Variants in CEP19 observed in about 807,000 individuals in gnomAD.
CEP19 encodes the protein centrosomal protein 19, also known as centrosomal protein of 19 kDa.
CEP19 carries 14 observed loss-of-function variants against 17.5 expected under a neutral mutation model. That is an observed-to-expected ratio of 0.80 (90% CI 0.53 to 1.25). The LOEUF (loss-of-function observed/expected upper bound fraction) is 1.25. CEP19 is among the 50% of genes most tolerant of loss of function. The pLI is 0.00. For missense variants in CEP19, 193 were observed against 192.0 expected, an observed-to-expected ratio of 1.01 and a Z score of -0.03; for synonymous variants, 59 against 65.5, an observed-to-expected ratio of 0.90 and a Z score of 0.48.
rs952451688 is a variant in CEP19 at position 196,707,383 on chromosome 3, C to T, written c.*168G>A. On this transcript the variant is annotated 3_prime_UTR_variant, in exon 3 of 3. Coordinates refer to ENST00000409690, the MANE Select transcript of CEP19 (RefSeq NM_032898.5). ...CCTTTATTCTGTTTTTCCCATACTC[C>T]TCATGCACCTACATAGTAGATGCTT... 6.3e-5 allele frequency: 44 copies of T among 700,516 alleles called. No individual in the cohort carries two copies. The highest frequency in any genetic ancestry group is 4.1e-4 in the African/African-American group (23 of 55,984). The allele number at this position is 700,516 out of a possible 1,614,324, so 43.4% of individuals were successfully genotyped here.
intron 1 of CEP19, 74 bp downstream of exon 1, chr3:196,711,855 G>A (rs1711806373): frequency 2.8e-6 from 2 of 716,396 alleles, no homozygotes. Context: ...GCACCTAAGG[G>A]TACGAATGTC....
intron 1 of CEP19, 183 bp from the exon 2 acceptor site, chr3:196,708,910 TG>T: frequency 2.1e-6 from 1 of 469,262 alleles, no homozygotes. Context: ...GCAGGGGCCA[TG>T]CTGATCCTCT....
intron 2 of CEP19, 100 bp downstream of exon 2, chr3:196,708,428 A>T: frequency 9.4e-7 from 1 of 1,064,564 alleles, no homozygotes; most frequent in Non-Finnish European, 1.4e-6. Flanking sequence ...GAGAGTAAGT[A>T]ATTCATCCAG....
In CEP19 at chr3:196,712,106, A is replaced by C. The variant is rs1329911905; in HGVS notation, c.-248T>G. On this transcript the variant is annotated 5_prime_UTR_variant, in exon 1 of 3. Transcript: ENST00000409690. ...GCCCTACTGACGAGCCCGAGGGGTGAACTCCCCGGCGGGAGGCCCGAACCC... is the reference window on the plus strand; with the variant it reads ...GCCCTACTGACGAGCCCGAGGGGTGCACTCCCCGGCGGGAGGCCCGAACCC... 3.2e-6 allele frequency: 2 copies of C among 633,554 alleles called. No individual in the cohort carries two copies. The highest frequency in any genetic ancestry group is 3.6e-5 in the African/African-American group (2 of 54,882). 39.2% of individuals were successfully genotyped at this position (633,554 alleles called of 1,614,324 possible).
chr3:196,707,839 C>T lies in CEP19; in HGVS notation c.204G>A (p.Arg68=), dbSNP rs1711583579. The T allele has an allele frequency of 1.9e-6, 3 of 1,614,072 alleles. No individual in the cohort carries two copies. The highest frequency in any genetic ancestry group is 3.3e-4 in the Middle Eastern group (2 of 6,058). Residue 68 remains arginine (R), a synonymous_variant, in exon 3 of 3, where the codon AGG becomes AGA. Coordinates refer to ENST00000409690, the MANE Select transcript of CEP19 (RefSeq NM_032898.5). Reference sequence around the variant, plus strand: ...AAAAACTGAATAGCTTCTCTAGCTGCCTCAGGGATACTTGTTCTAGGTAAC... The same window carrying T: ...AAAAACTGAATAGCTTCTCTAGCTGTCTCAGGGATACTTGTTCTAGGTAAC... ...HKSYLEQVSL[R]QLEKLFSFLR...
In CEP19 at chr3:196,708,705, G is replaced by GT. The variant is rs1342655249; in HGVS notation, c.-49dup. 1 of 1,592,864 alleles carries GT rather than the reference G, an allele frequency of 6.3e-7. No homozygotes were observed. Among genetic ancestry groups the GT allele is most frequent in the Non-Finnish European group, 8.6e-7 (1 of 1,165,210 alleles). ...GTCAGAGGAAATCTGATGAATATGT[G>GT]TAAGTTGCATAATGACTTCCTGCTA... is the stretch of plus-strand genomic sequence containing the variant. On this transcript the variant is annotated 5_prime_UTR_variant, in exon 2 of 3. An upstream open reading frame in the 5' UTR gains an earlier in-frame stop. Coordinates refer to ENST00000409690, the MANE Select transcript of CEP19 (RefSeq NM_032898.5).
chr3:196,709,178 G>T (rs1215934259), intron 1 of CEP19, among the ~76,000 whole-genome samples: 1 of 152,000 alleles, frequency 6.6e-6, no homozygotes, highest in East Asian at 1.9e-4. Context: ...TGACCTATAG[G>T]GTCTTTACTA....
In CEP19 at chr3:196,712,052, T is replaced by C. The variant is rs907467384; in HGVS notation, c.-194A>G. ...GCCGACTGTGAGACCGGGCGGAGCC[T>C]GGCGCTGCAGGAAGAGGCGACAGCC... On this transcript the variant is annotated 5_prime_UTR_variant, in exon 1 of 3. Coordinates refer to ENST00000409690, the MANE Select transcript of CEP19 (RefSeq NM_032898.5). The C allele has an allele frequency of 5.8e-5, 41 of 710,886 alleles. No homozygotes were observed. The highest frequency in any genetic ancestry group is 5.2e-4 in the Middle Eastern group (2 of 3,810). 44.0% of individuals were successfully genotyped at this position (710,886 alleles called of 1,614,324 possible).
At chr3:196,708,969 C>A in intron 1 of CEP19, 1 of 247,604 alleles carries the variant, frequency 4.0e-6, no homozygotes, top group Non-Finnish European at 7.7e-6. Flanking sequence ...GACCACAAAG[C>A]TCAGTTATTT....
At position 196,707,843 on chromosome 3, in the gene CEP19, A is replaced by G. The variant is rs1028022292; in HGVS notation, c.200T>C (p.Leu67Pro). Reference sequence around the variant, plus strand: ...ACTGAATAGCTTCTCTAGCTGCCTCAGGGATACTTGTTCTAGGTAACTCTT... The same window carrying G: ...ACTGAATAGCTTCTCTAGCTGCCTCGGGGATACTTGTTCTAGGTAACTCTT... ...RHKSYLEQVSLRQLEKLFSFL... is the reference protein window; with the variant it reads ...RHKSYLEQVSPRQLEKLFSFL... Residue 67 changes from leucine (L) to proline (P), a missense_variant, in exon 3 of 3, where the codon CTG (leucine) becomes CCG (proline). Physicochemically the swap from Leu to Pro is moderately conservative, Grantham distance 98. Coordinates refer to ENST00000409690, the MANE Select transcript of CEP19 (RefSeq NM_032898.5). 1 of 1,614,094 alleles carries G rather than the reference A, an allele frequency of 6.2e-7. No individual in the cohort carries two copies. The highest frequency in any genetic ancestry group is 1.1e-5 in the South Asian group (1 of 91,082).
chr3:196,707,455 C>G lies in CEP19; in HGVS notation c.*96G>C. On this transcript the variant is annotated 3_prime_UTR_variant, in exon 3 of 3. Coordinates refer to ENST00000409690, the MANE Select transcript of CEP19 (RefSeq NM_032898.5). ...GTAACATGGTCAATCCCCTATAACCCAACATATTTAGTATTCTTTACAGCT... is the reference window on the plus strand; with the variant it reads ...GTAACATGGTCAATCCCCTATAACCGAACATATTTAGTATTCTTTACAGCT... 7.4e-7 allele frequency: 1 copy of G among 1,354,142 alleles called. No individual in the cohort carries two copies. Among genetic ancestry groups the G allele is most frequent in the Non-Finnish European group, 1.0e-6 (1 of 997,312 alleles). The allele number at this position is 1,354,142 out of a possible 1,614,324, so 83.9% of individuals were successfully genotyped here.
chr3:196,709,152 A>C (rs760307022), intron 1 of CEP19, among the ~76,000 whole-genome samples: 2 of 152,230 alleles, frequency 1.3e-5, no homozygotes, highest in Non-Finnish European at 2.9e-5. Flanking sequence ...ATGAACCCCT[A>C]AGTCAGCCCA....
chr3:196,711,574 A>T (rs548182538), intron 1 of CEP19, among the ~76,000 whole-genome samples: 2 of 152,208 alleles, frequency 1.3e-5, no homozygotes, highest in Admixed American at 6.5e-5. Flanking sequence ...GATTCGCCCA[A>T]AGTGCTGGGG....
chr3:196,708,089 T>G (rs1711594683), intron 2 of CEP19, among the ~76,000 whole-genome samples, 177 bp from the exon 3 acceptor site: 1 of 152,248 alleles, frequency 6.6e-6, no homozygotes, highest in Non-Finnish European at 1.5e-5. Flanking sequence ...ACCATTCCTT[T>G]ATATTGAGCT....
chr3:196,707,664 T>G lies in CEP19; in HGVS notation c.379A>C (p.Asn127His). The G allele has an allele frequency of 6.2e-7, 1 of 1,614,136 alleles. No individual in the cohort carries two copies. Among genetic ancestry groups the G allele is most frequent in the Non-Finnish European group, 8.5e-7 (1 of 1,180,034 alleles). Residue 127 changes from asparagine (N) to histidine (H), a missense_variant, in exon 3 of 3, where the codon AAT (asparagine) becomes CAT (histidine). Transcript: ENST00000409690. ...TTTGGATCATCCTTCTTCTTCTGAT[T>G]TTTCTCAAAAAGTTCATCCATGATG... ...KSIMDELFEK[N>H]QKKKDDPNFV...
rs1010411852 is a variant in CEP19, at chr3:196,712,042, G to C, written c.-184C>G. On this transcript the variant is annotated 5_prime_UTR_variant, in exon 1 of 3. Transcript: ENST00000409690. Reference sequence around the variant, plus strand: ...AAGCCCCTAAGCCGACTGTGAGACCGGGCGGAGCCTGGCGCTGCAGGAAGA... The same window carrying C: ...AAGCCCCTAAGCCGACTGTGAGACCCGGCGGAGCCTGGCGCTGCAGGAAGA... The C allele has an allele frequency of 1.4e-6, 1 of 713,798 alleles. No individual in the cohort carries two copies. The highest frequency in any genetic ancestry group is 1.5e-5 in the South Asian group (1 of 67,310). The allele number at this position is 713,798 out of a possible 1,614,324, so 44.2% of individuals were successfully genotyped here. A position where few individuals can be genotyped will look rare whatever the true frequency, so the allele number is the denominator to read the frequency against.
chr3:196,709,953 T>C (rs1711684042), intron 1 of CEP19, among the ~76,000 whole-genome samples: 5 of 152,336 alleles, frequency 3.3e-5, no homozygotes, highest in Admixed American at 3.3e-4. Context: ...GCAGTGATTA[T>C]ACACGTCATT....
At chr3:196,708,954 G>A (rs1365606977) in intron 1 of CEP19, 1 of 278,926 alleles carries the variant, frequency 3.6e-6, no homozygotes, top group Non-Finnish European at 6.7e-6. Flanking sequence ...TATGTGCGCG[G>A]GAACGACCAC....
rs936978776 is a variant in CEP19 at position 196,706,515 on chromosome 3, T to G, written c.*1036A>C. ...CAAACCTTTTATTTATGGGAAGAGGTTCAGCGTTTCGCAATGTCTTTAGTA... is the reference window on the plus strand; with the variant it reads ...CAAACCTTTTATTTATGGGAAGAGGGTCAGCGTTTCGCAATGTCTTTAGTA... On this transcript the variant is annotated 3_prime_UTR_variant, in exon 3 of 3. Coordinates refer to ENST00000409690, the MANE Select transcript of CEP19 (RefSeq NM_032898.5). 1 of 152,150 alleles carries G rather than the reference T, an allele frequency of 6.6e-6. No homozygotes were observed. The highest frequency in any genetic ancestry group is 1.5e-5 in the Non-Finnish European group (1 of 68,032). The allele number at this position is 152,150 out of a possible 1,614,324, so 9.4% of individuals were successfully genotyped here.
Sources: allele counts gnomAD v4.1 joint callset (sites outside exome capture counted in the v4.1 genomes callset), GRCh38; gene constraint gnomAD v4.1.1; transcripts MANE v1.5; gene names NCBI Gene and HGNC (gene_info 2026-07-23, HGNC 2026-07-21).